The following OGG1 variants were observed in gnomAD, a reference collection of about 807,000 sequenced individuals.
OGG1 encodes N-glycosylase/DNA lyase.
A neutral mutation model predicts 42.3 loss-of-function variants in OGG1; 35 were observed. That is an observed-to-expected ratio of 0.83 (90% CI 0.63 to 1.10). The LOEUF (loss-of-function observed/expected upper bound fraction) is 1.10. Among genes scored for constraint, OGG1 ranks in the 50% least tolerant of loss-of-function variants. The pLI is 0.00. For synonymous variants in OGG1, 189 were observed against 179.0 expected (o/e 1.06, Z -0.44); for missense variants, 484 against 446.7 (o/e 1.08, Z -0.75).
Position 9,756,540 on chromosome 3 carries a change from C to T in OGG1, c.817C>T (p.His273Tyr). Residue 273 changes from histidine (H) to tyrosine (Y), a missense_variant, in exon 5 of 7, where the codon CAC becomes TAC. His to Tyr is a moderately conservative substitution (Grantham distance 83, BLOSUM62 2). Coordinates refer to ENST00000344629, the MANE Select transcript of OGG1 (RefSeq NM_002542.6). ...TGTGCCCGTGGATGTCCATATGTGG[C>T]ACATTGCCCAACGTGACTACAGCTG... ...QAVPVDVHMW[H>Y]IAQRDYSWHP... 1 of 1,614,186 alleles carries T rather than the reference C, an allele frequency of 6.2e-7. No individual in the cohort carries two copies. Among genetic ancestry groups the T allele is most frequent in the East Asian group, 2.2e-5 (1 of 44,882 alleles).
In OGG1 at chr3:9,751,049, A is replaced by G. The variant is rs1559680271; in HGVS notation, c.242A>G (p.Asp81Gly). Reference sequence around the variant, plus strand: ...CTCCACTGCACTGTGTACCGAGGAGACAAGAGCCAGGCTAGCAGGCCCACA... The same window carrying G: ...CTCCACTGCACTGTGTACCGAGGAGGCAAGAGCCAGGCTAGCAGGCCCACA... ...EQLHCTVYRG[D>G]KSQASRPTPD... is the part of the protein sequence containing the mutation. Residue 81 changes from aspartate to glycine, a missense_variant, in exon 2 of 7, where the codon GAC becomes GGC. By Grantham distance (94) the Asp-to-Gly change is moderately conservative. Transcript: ENST00000344629. 6.2e-7 allele frequency: 1 copy of G among 1,613,856 alleles called. No individual in the cohort carries two copies. The highest frequency in any genetic ancestry group is 1.3e-5 in the African/African-American group (1 of 75,022).
intron 2 of OGG1, among the ~76,000 whole-genome samples, chr3:9,772,840 C>T (rs2078318537): frequency 1.3e-5 from 2 of 152,318 alleles, no homozygotes; most frequent in Middle Eastern, 6.8e-3. Context: ...CGGGCCCCCA[C>T]CAACCAGAGA....
chr3:9,773,430 A>G (rs2078326325), intron 2 of OGG1, among the ~76,000 whole-genome samples: 1 of 152,012 alleles, frequency 6.6e-6, no homozygotes, highest in Non-Finnish European at 1.5e-5. Context: ...AGTCCCAGCT[A>G]ATCAGGAGGC....
chr3:9,778,966 T>C (rs2078401603), intron 2 of OGG1, among the ~76,000 whole-genome samples: 1 of 152,150 alleles, frequency 6.6e-6, no homozygotes, highest in African/African-American at 2.4e-5. Context: ...CCCTCCCTTC[T>C]CTCCTGCGTG....
chr3:9,765,625 T>C (rs776613875), intron 7 of OGG1: 51 of 1,051,058 alleles, frequency 4.9e-5, no homozygotes, highest in Non-Finnish European at 6.9e-5. Context: ...AAGTGGAAAT[T>C]GTGATCCCCA....
exon 4 of OGG1, chr3:9,787,786 A>G (rs1005756666): frequency 9.0e-7 from 1 of 1,115,112 alleles, no homozygotes; most frequent in African/African-American, 1.6e-5. Flanking sequence ...GTGTTGTGGC[A>G]GCACAAAGGA....
intron 3 of OGG1, among the ~76,000 whole-genome samples, chr3:9,753,290 G>T (rs532690110): frequency 6.7e-6 from 1 of 149,390 alleles, no homozygotes; most frequent in East Asian, 2.0e-4. Context: ...GTTGCAGTGA[G>T]CTGAGATCAT....
At chr3:9,756,088 G>C (rs573692672) in intron 4 of OGG1, among the ~76,000 whole-genome samples, 1 of 152,220 alleles carries the variant, frequency 6.6e-6, no homozygotes, top group South Asian at 2.1e-4. Context: ...AGGCCAAGGT[G>C]GACAGATCAC....
At chr3:9,759,448 C>A (rs2077741000), downstream of OGG1, 1 of 1,613,600 alleles carries the variant, frequency 6.2e-7, no homozygotes, top group African/African-American at 1.3e-5. Context: ...GGGGAGGAGT[C>A]CTGGGGAGGC....
At position 9,750,242 on chromosome 3, in the gene OGG1, G is replaced by A. The variant is rs56378321; in HGVS notation, c.-45G>A. 1.3e-4 allele frequency: 205 copies of A among 1,588,788 alleles called. 3 individuals are homozygous for A. In the East Asian group the frequency reaches 1.6e-3, roughly 12 times the overall value. ...GGTCTTTGGGCGTCGACGAGGCCTG[G>A]TTCTGGGTAGGCGGGGCTACTACGG... On this transcript the variant is annotated 5_prime_UTR_variant, in exon 1 of 7. An upstream open reading frame in the 5' UTR gains an earlier in-frame stop. Coordinates refer to ENST00000344629, the MANE Select transcript of OGG1 (RefSeq NM_002542.6).
downstream of OGG1, chr3:9,759,849 G>A (rs1006814329): frequency 1.6e-5 from 26 of 1,603,562 alleles, no homozygotes; most frequent in Non-Finnish European, 2.1e-5. Flanking sequence ...CTGGCATCAA[G>A]ACAAAGAGGC....
At chr3:9,786,024 C>T (rs900554821) in intron 3 of OGG1, among the ~76,000 whole-genome samples, 16 of 152,022 alleles carry the variant, frequency 1.1e-4, no homozygotes, top group Non-Finnish European at 1.5e-4. Context: ...CTGCAAGCTC[C>T]GCCTCCTGGG....
chr3:9,765,183 C>G (rs1462684263), intron 7 of OGG1, among the ~76,000 whole-genome samples: 1 of 150,528 alleles, frequency 6.6e-6, no homozygotes, highest in Non-Finnish European at 1.5e-5. Flanking sequence ...GCCAAGATTG[C>G]GTCACTGCAC....
downstream of OGG1, among the ~76,000 whole-genome samples, chr3:9,789,035 C>T (rs2078679916): frequency 6.6e-6 from 1 of 151,932 alleles, no homozygotes; most frequent in African/African-American, 2.4e-5. Context: ...GGGGTTTCAC[C>T]ATGTTGCCCA....
chr3:9,761,272 C>T (rs930064285), downstream of OGG1: 16 of 605,050 alleles, frequency 2.6e-5, no homozygotes, highest in African/African-American at 1.9e-4. Context: ...AAATTTACCC[C>T]AGTGCTTGCT....
intron 3 of OGG1, among the ~76,000 whole-genome samples, chr3:9,754,046 G>A (rs1218356934): frequency 1.3e-5 from 2 of 152,140 alleles, no homozygotes; most frequent in South Asian, 2.1e-4. Context: ...GGCTGAGGTG[G>A]GAGGATCGCT....
chr3:9,781,670 G>A (rs2078469279), intron 3 of OGG1: 1 of 435,182 alleles, frequency 2.3e-6, no homozygotes, highest in Non-Finnish European at 4.8e-6. Context: ...GGTGGAGCTG[G>A]AAGGTCACTT....
At chr3:9,786,538 T>A (rs1575302515) in intron 3 of OGG1, among the ~76,000 whole-genome samples, 2 of 152,326 alleles carry the variant, frequency 1.3e-5, no homozygotes, top group Admixed American at 1.3e-4. Context: ...TCCTGGTGTG[T>A]GAGACCTCAA....
At chr3:9,760,831 A>G (rs1168456207), downstream of OGG1, 1 of 1,605,164 alleles carries the variant, frequency 6.2e-7, no homozygotes, top group African/African-American at 1.3e-5. Context: ...GGGGTGGAGC[A>G]CTGGGGCAGT....
Sources: allele counts gnomAD v4.1 joint callset (sites outside exome capture counted in the v4.1 genomes callset), GRCh38; gene constraint gnomAD v4.1.1; transcripts MANE v1.5; gene names NCBI Gene and HGNC (gene_info 2026-07-23, HGNC 2026-07-21).